Variants in POLA1 observed in about 807,000 individuals in gnomAD.
POLA1 encodes DNA polymerase alpha catalytic subunit.
POLA1 carries 15 observed loss-of-function variants against 124.0 expected under a neutral mutation model. The ratio of observed to expected loss-of-function variants is 0.12; its 90% CI spans 0.08 to 0.19. The LOEUF (loss-of-function observed/expected upper bound fraction) is 0.19, where lower values mean the gene tolerates loss of function less well. Ranked by LOEUF, POLA1 falls within the 10% of genes least tolerant of loss-of-function variation. The pLI is 1.00. For missense variants in POLA1, 886 were observed against 1,103.4 expected (o/e 0.80, Z 2.79); for synonymous variants, 408 against 389.4 (o/e 1.05, Z -0.56).
intron 26 of POLA1, among the ~76,000 whole-genome samples, chrX:24,756,672 A>G (rs1389385430): frequency 9.0e-6 from 1 of 111,544 alleles, no homozygotes. Context: ...AGTTGTATGT[A>G]ATATTTTGTG....
chrX:24,854,706 G>C (rs1378745864), intron 34 of POLA1, among the ~76,000 whole-genome samples: 1 of 110,325 alleles, frequency 9.1e-6, no homozygotes, highest in African/African-American at 3.3e-5. Flanking sequence ...GCACATGCCT[G>C]TAATCCTAGC....
At chrX:24,835,381 C>T (rs746024714) in intron 32 of POLA1, among the ~76,000 whole-genome samples, 8 of 111,251 alleles carry the variant, frequency 7.2e-5, no homozygotes, top group African/African-American at 2.6e-4. Context: ...AAAAGATTCC[C>T]CTTTTCAGCA....
intron 4 of POLA1, among the ~76,000 whole-genome samples, chrX:24,713,174 AGGCTGGTCT>A (rs1929582582): frequency 9.0e-6 from 1 of 110,581 alleles, no homozygotes; most frequent in Non-Finnish European, 1.9e-5. Context: ...CATGTTGGTC[AGGCTGGTCT>A]CGAACTCCTG....
intron 32 of POLA1, among the ~76,000 whole-genome samples, chrX:24,834,162 G>T (rs1460489710): frequency 9.5e-6 from 1 of 105,076 alleles, no homozygotes; most frequent in Non-Finnish European, 2.0e-5. Context: ...TTCCTGCCAA[G>T]AAATACACAT....
chrX:24,706,597 T>C (rs1373467059), intron 4 of POLA1, among the ~76,000 whole-genome samples: 1 of 112,434 alleles, frequency 8.9e-6, no homozygotes, highest in East Asian at 2.8e-4. Flanking sequence ...TATTTGTATC[T>C]GCCTTCACCC....
intron 35 of POLA1, among the ~76,000 whole-genome samples, chrX:24,930,131 A>G (rs1430139571): frequency 6.2e-5 from 7 of 112,431 alleles, no homozygotes; most frequent in Admixed American, 5.6e-4. Flanking sequence ...ACTTTTCCCA[A>G]TTAACAGTGC....
chrX:24,699,488 G>A lies in POLA1; in HGVS notation c.107G>A (p.Gly36Glu), dbSNP rs1165873682. The change falls in exon 2 of 37, where the codon GGG (glycine) becomes GAG (glutamate). Residue 36 changes from glycine to glutamate, a missense_variant. By Grantham distance (98) the Gly-to-Glu change is moderately conservative. This residue lies in a region of POLA1 where 49 missense variants were observed against 39.2 expected (regional missense o/e 1.25). Coordinates refer to ENST00000379068, the MANE Select transcript of POLA1 (RefSeq NM_001330360.2). ...CGGCGAGAAAAAAAATCAAAGAAGG[G>A]GCGCCAAGAAGCCCTAGAAAGACTG... ...RARREKKSKK[G>E]RQEALERLKK... 1 of 1,184,142 alleles carries A rather than the reference G, an allele frequency of 8.4e-7. No individual in the cohort carries two copies. The highest frequency in any genetic ancestry group is 1.9e-5 in the South Asian group (1 of 52,717).
intron 36 of POLA1, among the ~76,000 whole-genome samples, chrX:24,983,729 G>A (rs1020186165): frequency 8.9e-6 from 1 of 112,189 alleles, no homozygotes; most frequent in African/African-American, 3.2e-5. Flanking sequence ...CTCTGATAAT[G>A]ATGCAGTCAA....
chrX:24,867,586 T>G (rs751921069), intron 34 of POLA1, among the ~76,000 whole-genome samples: 2 of 112,055 alleles, frequency 1.8e-5, no homozygotes, highest in Non-Finnish European at 3.8e-5. Flanking sequence ...TATCAAAAAA[T>G]AACTTACATG....
chrX:24,814,957 G>GTTTTTTTTTTT (rs749255466), intron 29 of POLA1, 22 bp from the exon 30 acceptor site: 33 of 857,390 alleles, frequency 3.8e-5, no homozygotes, highest in Admixed American at 1.9e-4. Flanking sequence ...TCTTTGTTTT[G>GTTTTTTTTTTT]TTTTTTTTTT....
intron 34 of POLA1, among the ~76,000 whole-genome samples, chrX:24,848,723 T>A (rs754932916): frequency 1.8e-5 from 2 of 111,979 alleles, no homozygotes; most frequent in Non-Finnish European, 3.8e-5. Flanking sequence ...CCAACAATAC[T>A]TGAAAAAGGG....
At chrX:24,916,214 G>A (rs772667758) in intron 35 of POLA1, among the ~76,000 whole-genome samples, 3 of 111,072 alleles carry the variant, frequency 2.7e-5, no homozygotes, top group Non-Finnish European at 5.7e-5. Context: ...ATTTACAGTG[G>A]AATGGCATCT....
At chrX:24,912,981 A>G (rs964301992) in intron 35 of POLA1, among the ~76,000 whole-genome samples, 12 of 112,121 alleles carry the variant, frequency 1.1e-4, no homozygotes, top group Non-Finnish European at 2.3e-4. Context: ...TACACTTAAC[A>G]TATGATCCAG....
chrX:24,842,759 C>A (rs1353682028), intron 33 of POLA1, among the ~76,000 whole-genome samples: 2 of 111,563 alleles, frequency 1.8e-5, no homozygotes, highest in Admixed American at 1.9e-4. Flanking sequence ...GCTCTGAAAT[C>A]TCTTCCACCT....
At chrX:24,752,213 C>T (rs1932357393) in intron 26 of POLA1, among the ~76,000 whole-genome samples, 1 of 112,091 alleles carries the variant, frequency 8.9e-6, no homozygotes, top group African/African-American at 3.2e-5. Context: ...ACTAATTGTA[C>T]TTTTTAAAAC....
intron 36 of POLA1, among the ~76,000 whole-genome samples, chrX:24,950,819 C>G (rs1163015552): frequency 8.9e-6 from 1 of 111,774 alleles, no homozygotes; most frequent in Non-Finnish European, 1.9e-5. Context: ...TTTTTATTTT[C>G]TAAGATACTA....
At chrX:24,795,111 C>T (rs977794101) in intron 26 of POLA1, among the ~76,000 whole-genome samples, 11 of 110,501 alleles carry the variant, frequency 1.0e-4, no homozygotes, top group African/African-American at 3.3e-4. Flanking sequence ...TTTGGAGGAC[C>T]GATTGACTAG....
chrX:24,738,111 G>A (rs925647927), intron 19 of POLA1, among the ~76,000 whole-genome samples: 2 of 103,740 alleles, frequency 1.9e-5, no homozygotes, highest in African/African-American at 7.8e-5. Context: ...TACTGGGGAG[G>A]CTGAGGCAGG....
At chrX:24,820,087 T>C (rs2046063186) in intron 30 of POLA1, among the ~76,000 whole-genome samples, 1 of 112,171 alleles carries the variant, frequency 8.9e-6, no homozygotes, top group Non-Finnish European at 1.9e-5. Flanking sequence ...TCCAAGTCTT[T>C]GCTATTGAGA....
Sources: allele counts gnomAD v4.1 joint callset (sites outside exome capture counted in the v4.1 genomes callset), GRCh38; gene constraint gnomAD v4.1.1; regional missense constraint gnomAD v4.1.1; transcripts MANE v1.5; gene names NCBI Gene and HGNC (gene_info 2026-07-23, HGNC 2026-07-21).